SMIM19: variants seen among roughly 807,000 people sequenced by gnomAD.
The protein encoded by SMIM19 is small integral membrane protein 19.
Under a neutral mutation model 13.2 loss-of-function variants are expected in SMIM19, and 6 were observed. The ratio of observed to expected loss-of-function variants is 0.45; its 90% CI spans 0.25 to 0.90. SMIM19 has a LOEUF of 0.90. SMIM19 is among the 40% of genes least tolerant of loss of function. SMIM19 has a pLI of 0.19. For synonymous variants in SMIM19, 46 were observed against 43.1 expected (o/e 1.07, Z -0.27); for missense variants, 138 against 131.0 (o/e 1.05, Z -0.26).
chr8:42,544,140 G>A (rs937189752), intron 1 of SMIM19, among the ~76,000 whole-genome samples: 1 of 152,134 alleles, frequency 6.6e-6, no homozygotes, highest in African/African-American at 2.4e-5. Context: ...GGCCGGGCGC[G>A]GTGGCTCACG....
Position 42,553,428 on chromosome 8 carries a change from C to T in SMIM19, c.*820C>T, listed in dbSNP as rs140760620. On this transcript the variant is annotated 3_prime_UTR_variant, in exon 4 of 4. Coordinates refer to ENST00000417410, the MANE Select transcript of SMIM19 (RefSeq NM_001135674.2). ...GATGCCTGTGTATTGGTGTTGGCAACTCTGCGGTAGTAGTGCTACCACTGG... is the reference window on the plus strand; with the variant it reads ...GATGCCTGTGTATTGGTGTTGGCAATTCTGCGGTAGTAGTGCTACCACTGG... The T allele has an allele frequency of 3.3e-4, 50 of 152,336 alleles. No homozygotes were observed. The highest frequency in any genetic ancestry group is 1.1e-3 in the African/African-American group (46 of 41,582). The allele number at this position is 152,336 out of a possible 1,614,324, so 9.4% of individuals were successfully genotyped here. A position where few individuals can be genotyped will look rare whatever the true frequency, so the allele number is the denominator to read the frequency against.
chr8:42,543,794 C>A (rs1048741600), intron 1 of SMIM19, among the ~76,000 whole-genome samples: 12 of 152,208 alleles, frequency 7.9e-5, no homozygotes, highest in Non-Finnish European at 1.6e-4. Flanking sequence ...TGTATGGTTC[C>A]CCGTTTCTTG....
chr8:42,542,504 T>G (rs1346909599), intron 1 of SMIM19, 131 bp downstream of exon 1: 1 of 982,682 alleles, frequency 1.0e-6, no homozygotes, highest in East Asian at 1.1e-4. Context: ...CAATGTGAAT[T>G]TGTATCAAAG....
intron 2 of SMIM19, 174 bp from the exon 3 acceptor site, chr8:42,548,482 T>C: frequency 1.3e-6 from 1 of 757,172 alleles, no homozygotes; most frequent in Non-Finnish European, 2.2e-6. Flanking sequence ...TACTTTTTAG[T>C]GAAAGAAAGA....
chr8:42,541,251 G>C (rs1237883196), upstream of SMIM19: 1 of 151,730 alleles, frequency 6.6e-6, no homozygotes, highest in Non-Finnish European at 1.5e-5. Context: ...GGCGCCGCAC[G>C]GCAAGCGACG....
chr8:42,546,058 A>G (rs576918685), intron 1 of SMIM19, among the ~76,000 whole-genome samples: 2 of 152,218 alleles, frequency 1.3e-5, no homozygotes, highest in African/African-American at 2.4e-5. Flanking sequence ...CTCAGATATC[A>G]AAATCCGTAG....
chr8:42,549,631 G>A (rs747787264), intron 3 of SMIM19, among the ~76,000 whole-genome samples: 12 of 152,132 alleles, frequency 7.9e-5, no homozygotes, highest in Non-Finnish European at 1.8e-4. Flanking sequence ...GGGATGATGA[G>A]AAGAGCTCTG....
At position 42,554,045 on chromosome 8, in the gene SMIM19, A is replaced by T. The variant is rs1291593223; in HGVS notation, c.*1437A>T. The T allele has an allele frequency of 1.3e-5, 2 of 152,250 alleles. No individual in the cohort carries two copies. Among genetic ancestry groups the T allele is most frequent in the East Asian group, 1.9e-4 (1 of 5,206 alleles). 9.4% of individuals were successfully genotyped at this position (152,250 alleles called of 1,614,324 possible). On this transcript the variant is annotated 3_prime_UTR_variant, in exon 4 of 4. Transcript: ENST00000417410. ...TCATTTTCCCCTTATTGTGAAATAAACTATATACATTTTAAATGGAAATTA... is the reference window on the plus strand; with the variant it reads ...TCATTTTCCCCTTATTGTGAAATAATCTATATACATTTTAAATGGAAATTA...
intron 3 of SMIM19, among the ~76,000 whole-genome samples, chr8:42,549,163 C>T (rs549548320): frequency 1.9e-4 from 29 of 152,242 alleles, no homozygotes; most frequent in African/African-American, 6.5e-4. Context: ...CCTACAATCC[C>T]AGCACTTTGG....
chr8:42,549,473 A>G (rs1173327935), intron 3 of SMIM19, among the ~76,000 whole-genome samples: 2 of 152,164 alleles, frequency 1.3e-5, no homozygotes, highest in African/African-American at 4.8e-5. Context: ...AAGACAGTAC[A>G]CTAAGTGAAA....
rs1257792798 is a variant in SMIM19 at position 42,546,714 on chromosome 8, G to T, written c.134+108G>T. 4.8e-5 allele frequency: 65 copies of T among 1,351,200 alleles called. 1 individual carries two copies. Among genetic ancestry groups the T allele is most frequent in the Non-Finnish European group, 6.0e-6 (6 of 997,908 alleles). The allele number at this position is 1,351,200 out of a possible 1,614,324, so 83.7% of individuals were successfully genotyped here. A position where few individuals can be genotyped will look rare whatever the true frequency, so the allele number is the denominator to read the frequency against. ...AAGTAATTTCATCAGGCTGGACGCA[G>T]TGGCTCACACCTGTAATCCCAGCAC... is the stretch of plus-strand genomic sequence containing the variant. On this transcript the variant is annotated intron_variant, in intron 2 of 3. Coordinates refer to ENST00000417410, the MANE Select transcript of SMIM19 (RefSeq NM_001135674.2).
rs1813762838 is a variant in SMIM19 at position 42,554,451 on chromosome 8, A to T, written c.*1843A>T. On this transcript the variant is annotated 3_prime_UTR_variant, in exon 4 of 4. Transcript: ENST00000417410. ...GTGTAAAATTAATGTACATAAATAA[A>T]CGTAAGTCACACAATGAATTTCCTT... is the stretch of plus-strand genomic sequence containing the variant. The T allele has an allele frequency of 6.6e-6, 1 of 152,216 alleles. No individual in the cohort carries two copies. Among genetic ancestry groups the T allele is most frequent in the Non-Finnish European group, 1.5e-5 (1 of 68,040 alleles). 9.4% of individuals were successfully genotyped at this position (152,216 alleles called of 1,614,324 possible).
chr8:42,549,618 T>C (rs1257359761), intron 3 of SMIM19, among the ~76,000 whole-genome samples: 1 of 151,820 alleles, frequency 6.6e-6, no homozygotes, highest in East Asian at 1.9e-4. Context: ...CAGAGTTCAG[T>C]TGGGGATGAT....
Position 42,548,702 on chromosome 8 carries a change from G to T in SMIM19, c.181G>T (p.Glu61Ter), listed in dbSNP as rs746718226. The change falls in exon 3 of 4, where the codon GAA becomes TAA. Residue 61 changes from glutamate to a stop codon, truncating the protein, a stop_gained. Transcript: ENST00000417410. LOFTEE classifies it high-confidence loss of function. ...MRIFSVPPTEETLSEPNFYDT... is the reference protein window; with the variant it reads ...MRIFSVPPTE Reference sequence around the variant, plus strand: ...GATATTCAGTGTGCCACCTACAGAGGAAACTTTGTCAGAGCCCAACTTTTA... The same window carrying T: ...GATATTCAGTGTGCCACCTACAGAGTAAACTTTGTCAGAGCCCAACTTTTA... 6.2e-7 allele frequency: 1 copy of T among 1,613,886 alleles called. No individual in the cohort carries two copies. The highest frequency in any genetic ancestry group is 8.5e-7 in the Non-Finnish European group (1 of 1,179,930).
At chr8:42,546,652 G>C (rs1202136526) in intron 2 of SMIM19, 46 bp downstream of exon 2, 3 of 1,581,070 alleles carry the variant, frequency 1.9e-6, no homozygotes, top group Non-Finnish European at 2.6e-6. Flanking sequence ...GCATTTACAA[G>C]TTTTGCTAGT....
intron 1 of SMIM19, among the ~76,000 whole-genome samples, chr8:42,545,079 C>A (rs1252597275): frequency 1.3e-5 from 2 of 152,172 alleles, no homozygotes; most frequent in African/African-American, 4.8e-5. Context: ...TATATTTGTC[C>A]ATTTTTCTCC....
chr8:42,549,623 G>A (rs1026719110), intron 3 of SMIM19, among the ~76,000 whole-genome samples: 1 of 152,134 alleles, frequency 6.6e-6, no homozygotes, highest in African/African-American at 2.4e-5. Flanking sequence ...TTCAGTTGGG[G>A]ATGATGAGAA....
rs1813200280 is a variant in SMIM19 at position 42,541,751 on chromosome 8, G to C, written c.-627G>C. ...GCTTCTCCCGGTCCCCGGCGGGGCC[G>C]CGTCACCCGGCCCCGCCCCGCGCCG... On this transcript the variant is annotated 5_prime_UTR_variant, in exon 1 of 4. Coordinates refer to ENST00000417410, the MANE Select transcript of SMIM19 (RefSeq NM_001135674.2). 6.7e-6 allele frequency: 1 copy of C among 149,102 alleles called. No homozygotes were observed. Among genetic ancestry groups the C allele is most frequent in the East Asian group, 2.0e-4 (1 of 4,994 alleles). The allele number at this position is 149,102 out of a possible 1,614,324, so 9.2% of individuals were successfully genotyped here.
At chr8:42,548,467 C>A in intron 2 of SMIM19, 189 bp from the exon 3 acceptor site, 1 of 681,674 alleles carries the variant, frequency 1.5e-6, no homozygotes, top group Non-Finnish European at 2.6e-6. Context: ...TTTCTCACAG[C>A]CTCATACTTT....
Sources: allele counts gnomAD v4.1 joint callset (sites outside exome capture counted in the v4.1 genomes callset), GRCh38; gene constraint gnomAD v4.1.1; transcripts MANE v1.5; gene names NCBI Gene and HGNC (gene_info 2026-07-23, HGNC 2026-07-21).